The following RNPC3 variants were observed in gnomAD, a reference collection of about 807,000 sequenced individuals.
The protein encoded by RNPC3 is RNA binding region (RNP1, RRM) containing 3.
Under a neutral mutation model 67.5 loss-of-function variants are expected in RNPC3, and 48 were observed. The ratio of observed to expected loss-of-function variants is 0.71; its 90% CI spans 0.56 to 0.90. The LOEUF (loss-of-function observed/expected upper bound fraction) is 0.90. Ranked by LOEUF, RNPC3 falls within the 40% of genes least tolerant of loss-of-function variation. The pLI is 0.00. For missense variants in RNPC3, 637 were observed against 626.1 expected (o/e 1.02, Z -0.19); for synonymous variants, 239 against 210.3 (o/e 1.14, Z -1.18).
At chr1:103,538,369 G>A (rs1651044832) in intron 7 of RNPC3, among the ~76,000 whole-genome samples, 1 of 151,928 alleles carries the variant, frequency 6.6e-6, no homozygotes, top group South Asian at 2.1e-4. Flanking sequence ...GTTTAAAATG[G>A]CCCTTGAGCA....
At chr1:103,551,405 G>A in intron 13 of RNPC3, 1 of 357,686 alleles carries the variant, frequency 2.8e-6, no homozygotes, top group East Asian at 5.0e-5. Flanking sequence ...TCATTTTATT[G>A]TAATTTATAT....
At chr1:103,530,531 A>G (rs1650824266) in intron 2 of RNPC3, among the ~76,000 whole-genome samples, 1 of 152,178 alleles carries the variant, frequency 6.6e-6, no homozygotes, top group Non-Finnish European at 1.5e-5. Context: ...GATCTGTGGG[A>G]GCAGGAGTGG....
At chr1:103,539,191 C>G (rs1404937218) in intron 7 of RNPC3, among the ~76,000 whole-genome samples, 3 of 152,174 alleles carry the variant, frequency 2.0e-5, no homozygotes, top group Admixed American at 6.5e-5. Flanking sequence ...TCTTAGGTGA[C>G]TGTGCACGGA....
chr1:103,551,305 C>A, intron 13 of RNPC3: 1 of 468,610 alleles, frequency 2.1e-6, no homozygotes. Flanking sequence ...TTAAATGTTT[C>A]ACTTATGCAG....
intron 13 of RNPC3, 77 bp downstream of exon 13, chr1:103,551,150 CT>C: frequency 7.7e-7 from 1 of 1,300,290 alleles, no homozygotes; most frequent in Non-Finnish European, 1.0e-6. Context: ...TCATGTTACC[CT>C]TTAGAAATTT....
At chr1:103,536,647 A>C (rs1650994496) in intron 6 of RNPC3, among the ~76,000 whole-genome samples, 1 of 152,188 alleles carries the variant, frequency 6.6e-6, no homozygotes, top group African/African-American at 2.4e-5. Flanking sequence ...TTGCTGTAGT[A>C]CTAGTATATT....
intron 2 of RNPC3, among the ~76,000 whole-genome samples, chr1:103,533,183 A>G (rs1358934763): frequency 1.3e-5 from 2 of 152,072 alleles, no homozygotes; most frequent in Non-Finnish European, 2.9e-5. Flanking sequence ...ATAGATGATA[A>G]CAGATAGCAT....
chr1:103,541,767 C>A (rs1038633670), intron 8 of RNPC3, among the ~76,000 whole-genome samples: 2 of 152,022 alleles, frequency 1.3e-5, no homozygotes, highest in African/African-American at 4.8e-5. Context: ...TTCCTTTTAT[C>A]ATTTCTTTTC....
Position 103,525,916 on chromosome 1 carries a change from A to T in RNPC3, c.-155A>T. 1 of 628,010 alleles carries T rather than the reference A, an allele frequency of 1.6e-6. No individual in the cohort carries two copies. The highest frequency in any genetic ancestry group is 2.7e-6 in the Non-Finnish European group (1 of 368,472). 38.9% of individuals were successfully genotyped at this position (628,010 alleles called of 1,614,324 possible). On this transcript the variant is annotated 5_prime_UTR_variant, in exon 1 of 15. Transcript: ENST00000423855. ...AAGGGTTGCCGCTTTTCGGTGGCGCAGTTCTCGCGAGAAGGTGACTTTCTT... is the reference window on the plus strand; with the variant it reads ...AAGGGTTGCCGCTTTTCGGTGGCGCTGTTCTCGCGAGAAGGTGACTTTCTT...
Position 103,545,036 on chromosome 1 carries a change from T to G in RNPC3, c.1141T>G (p.Ser381Ala). 1.3e-6 allele frequency: 2 copies of G among 1,534,666 alleles called. No individual in the cohort carries two copies. The highest frequency in any genetic ancestry group is 2.4e-5 in the South Asian group (2 of 83,790). The stretch of plus-strand genomic sequence containing the variant: ...CATCACAGAGGAGATTAAAGAAGAC[T>G]CTGATGAAATGCCTTCAGAATGTAT... ...LDITEEIKED[S>A]DEMPSECISR... is the part of the protein sequence containing the mutation. The change falls in exon 10 of 15, where the codon TCT (serine) becomes GCT (alanine). Residue 381 changes from serine (S) to alanine (A), a missense_variant. By Grantham distance (99) the Ser-to-Ala change is moderately conservative. Coordinates refer to ENST00000423855, the MANE Select transcript of RNPC3 (RefSeq NM_017619.4).
chr1:103,527,253 A>G (rs1255868709), intron 1 of RNPC3, among the ~76,000 whole-genome samples: 1 of 152,228 alleles, frequency 6.6e-6, no homozygotes, highest in Non-Finnish European at 1.5e-5. Context: ...GAACATTATT[A>G]CAAAGATAAA....
At position 103,535,397 on chromosome 1, in the gene RNPC3, A is replaced by T; in HGVS notation, c.511A>T (p.Asn171Tyr). The T allele has an allele frequency of 6.5e-7, 1 of 1,535,800 alleles. No homozygotes were observed. Among genetic ancestry groups the T allele is most frequent in the Non-Finnish European group, 8.7e-7 (1 of 1,145,818 alleles). ...ACCACCTTCCAGCACAATCCTAGCAAACATTGTAAATGCCTTGGCAAGCGT... is the reference window on the plus strand; with the variant it reads ...ACCACCTTCCAGCACAATCCTAGCATACATTGTAAATGCCTTGGCAAGCGT... ...YPPPSSTILANIVNALASVPK... is the reference protein window; with the variant it reads ...YPPPSSTILAYIVNALASVPK... Residue 171 changes from asparagine (N) to tyrosine (Y), a missense_variant, in exon 5 of 15, where the codon AAC (asparagine) becomes TAC (tyrosine). Coordinates refer to ENST00000423855, the MANE Select transcript of RNPC3 (RefSeq NM_017619.4).
rs1017039195 is a variant in RNPC3 at position 103,535,402 on chromosome 1, T to G, written c.516T>G (p.Ile172Met). The change falls in exon 5 of 15, where the codon ATT (isoleucine) becomes ATG (methionine). Residue 172 changes from isoleucine to methionine, a missense_variant. Physicochemically the swap from Ile to Met is conservative, Grantham distance 10. Coordinates refer to ENST00000423855, the MANE Select transcript of RNPC3 (RefSeq NM_017619.4). ...CTTCCAGCACAATCCTAGCAAACAT[T>G]GTAAATGCCTTGGCAAGCGTGCCTA... ...PPPSSTILAN[I>M]VNALASVPKF... 4 of 1,535,628 alleles carry G rather than the reference T, an allele frequency of 2.6e-6. No homozygotes were observed. The South Asian group carries it at 4.8e-5, about 18-fold the overall frequency.
intron 2 of RNPC3, among the ~76,000 whole-genome samples, chr1:103,528,568 GGTT>G (rs1650770707): frequency 6.6e-6 from 1 of 152,112 alleles, no homozygotes; most frequent in Non-Finnish European, 1.5e-5. Flanking sequence ...GAGTTATTTG[GGTT>G]GTTATATTAG....
intron 12 of RNPC3, among the ~76,000 whole-genome samples, chr1:103,549,406 C>G (rs1345124373): frequency 6.6e-6 from 1 of 152,056 alleles, no homozygotes; most frequent in Non-Finnish European, 1.5e-5. Flanking sequence ...CTATTTATAT[C>G]CATTAGGGGC....
At chr1:103,545,344 T>G in intron 10 of RNPC3, 2 of 309,514 alleles carry the variant, frequency 6.5e-6, no homozygotes, top group South Asian at 8.5e-5. Flanking sequence ...TTGTTTTCAT[T>G]CCTAAAACTT....
At chr1:103,544,182 G>A (rs1303045627) in intron 9 of RNPC3, among the ~76,000 whole-genome samples, 1 of 151,744 alleles carries the variant, frequency 6.6e-6, no homozygotes, top group East Asian at 1.9e-4. Context: ...GTGTTTGTGT[G>A]TGTGTATGTA....
chr1:103,534,797 A>G lies in RNPC3; in HGVS notation c.383A>G (p.Asp128Gly). Residue 128 changes from aspartate to glycine, a missense_variant, in exon 4 of 15, where the codon GAT becomes GGT. Around this residue, in one of 3 missense-constraint regions of RNPC3, gnomAD observed 536 missense variants for 500.3 expected, o/e 1.07. Coordinates refer to ENST00000423855, the MANE Select transcript of RNPC3 (RefSeq NM_017619.4). ...AGGTCTGATGACCCTGTCGAAGATGATAAAGAAAAAAAAGAACTTGGTTAT... is the reference window on the plus strand; with the variant it reads ...AGGTCTGATGACCCTGTCGAAGATGGTAAAGAAAAAAAAGAACTTGGTTAT... The part of the protein sequence containing the change: ...KKRSDDPVED[D>G]KEKKELGYLT... 1 of 1,531,840 alleles carries G rather than the reference A, an allele frequency of 6.5e-7. No individual in the cohort carries two copies. The highest frequency in any genetic ancestry group is 8.7e-7 in the Non-Finnish European group (1 of 1,143,932). 94.9% of individuals were successfully genotyped at this position (1,531,840 alleles called of 1,614,324 possible). A position where few individuals can be genotyped will look rare whatever the true frequency, so the allele number is the denominator to read the frequency against.
In RNPC3 at chr1:103,551,776, G is replaced by A. The variant is rs1373806368; in HGVS notation, c.1550G>A (p.Cys517Tyr). 1 of 1,493,794 alleles carries A rather than the reference G, an allele frequency of 6.7e-7. No homozygotes were observed. Among genetic ancestry groups the A allele is most frequent in the Admixed American group, 2.1e-5 (1 of 46,600 alleles). The allele number at this position is 1,493,794 out of a possible 1,614,324, so 92.5% of individuals were successfully genotyped here. The change falls in exon 14 of 15, where the codon TGT becomes TAT. Residue 517 changes from cysteine to tyrosine, a missense_variant. Coordinates refer to ENST00000423855, the MANE Select transcript of RNPC3 (RefSeq NM_017619.4). ...GATCCTAAGGAAGGAAAAAGAAAGT[G>A]TTAAAAATTAATAAAGGTAAGTGTG... is the stretch of plus-strand genomic sequence containing the variant. Reference protein sequence around the residue: ...KQDPKEGKRKC With the variant: ...KQDPKEGKRKY
Sources: allele counts gnomAD v4.1 joint callset (sites outside exome capture counted in the v4.1 genomes callset), GRCh38; gene constraint gnomAD v4.1.1; regional missense constraint gnomAD v4.1.1; transcripts MANE v1.5; gene names NCBI Gene and HGNC (gene_info 2026-07-23, HGNC 2026-07-21).